The following TASOR2 variants were observed in gnomAD, a reference collection of about 807,000 sequenced individuals.
TASOR2 encodes the protein transcription activation suppressor family member 2.
A neutral mutation model predicts 199.5 loss-of-function variants in TASOR2; 84 were observed. The ratio of observed to expected loss-of-function variants is 0.42; its 90% CI spans 0.35 to 0.50. TASOR2 has a LOEUF of 0.50. TASOR2 is among the 20% of genes least tolerant of loss of function. TASOR2 has a pLI of 0.02. For missense variants in TASOR2, 2,796 were observed against 2,835.9 expected (o/e 0.99, Z 0.32); for synonymous variants, 1,103 against 1,046.6 (o/e 1.05, Z -1.04).
chr10:5,748,682 C>T lies in TASOR2; in HGVS notation c.5261C>T (p.Ala1754Val). The T allele has an allele frequency of 6.2e-7, 1 of 1,614,238 alleles. No individual in the cohort carries two copies. The highest frequency in any genetic ancestry group is 1.1e-5 in the South Asian group (1 of 91,086). Residue 1754 changes from alanine to valine, a missense_variant, in exon 15 of 21, where the codon GCT becomes GTT. This residue lies in a region of TASOR2 where 1,941 missense variants were observed against 1,924.9 expected (regional missense o/e 1.01). Coordinates refer to ENST00000328090, the Ensembl canonical transcript of TASOR2. The surrounding 1 kb of genome is among the most constrained non-coding windows in gnomAD (Gnocchi z 5.1). ...AATGTCGGGGTTTCCTCCCTTTGTG[C>T]TGGTCCCTACCAAAATACAGCAGAC...
chr10:5,728,820 C>T (rs1834398455), intron 10 of TASOR2, among the ~76,000 whole-genome samples: 2 of 152,052 alleles, frequency 1.3e-5, no homozygotes, highest in African/African-American at 4.8e-5. Context: ...ACTCCTATAA[C>T]GATTTCAAAG....
chr10:5,732,132 C>T (rs1368898332), intron 11 of TASOR2, among the ~76,000 whole-genome samples: 1 of 152,208 alleles, frequency 6.6e-6, no homozygotes, highest in African/African-American at 2.4e-5. Context: ...ATGACTTTGG[C>T]CTAGCCACTT....
intron 1 of TASOR2, among the ~76,000 whole-genome samples, chr10:5,686,774 T>TGGTGAA (rs1835862289): frequency 1.3e-5 from 2 of 152,254 alleles, no homozygotes; most frequent in Admixed American, 6.5e-5. Flanking sequence ...TTAAATCTTT[T>TGGTGAA]TAGGCAGGTC....
chr10:5,760,755 G>C (rs1839690026), intron 18 of TASOR2: 1 of 152,232 alleles, frequency 6.6e-6, no homozygotes, highest in Non-Finnish European at 1.5e-5. Context: ...GGTGTGATTT[G>C]GGTTTTCTCC....
exon 15 of TASOR2, chr10:5,749,913 C>A: frequency 6.2e-7 from 1 of 1,614,172 alleles, no homozygotes; most frequent in South Asian, 1.1e-5. Flanking sequence ...TAATCATAGA[C>A]GTGTGCACCA....
At chr10:5,709,646 G>GGT (rs1290182364) in intron 1 of TASOR2, 14 of 1,230,806 alleles carry the variant, frequency 1.1e-5, no homozygotes, top group Middle Eastern at 3.1e-4. Context: ...ATCGAGACAG[G>GGT]GTCCCTATCA....
chr10:5,753,664 T>G (rs1838408748), intron 15 of TASOR2, among the ~76,000 whole-genome samples: 1 of 152,112 alleles, frequency 6.6e-6, no homozygotes, highest in African/African-American at 2.4e-5. Flanking sequence ...CCAGCCTGTT[T>G]GCCGAGATTC....
exon 15 of TASOR2, chr10:5,746,180 T>G: frequency 2.0e-6 from 3 of 1,511,070 alleles, no homozygotes; most frequent in South Asian, 1.4e-5. Context: ...CCGTTTCAGG[T>G]AACTGGGGAA....
intron 1 of TASOR2, among the ~76,000 whole-genome samples, chr10:5,702,649 TTTTTTTTTTTTTG>T (rs1030872044): frequency 2.1e-5 from 3 of 141,530 alleles, no homozygotes; most frequent in African/African-American, 8.3e-5. Context: ...TTTTTTTTTT[TTTTTTTTTTTTTG>T]GTAAGTAAGG....
At chr10:5,749,231 C>T in exon 15 of TASOR2, 1 of 1,614,160 alleles carries the variant, frequency 6.2e-7, no homozygotes, top group Non-Finnish European at 8.5e-7. Flanking sequence ...CTCAAAGATA[C>T]CATGAGAACT....
chr10:5,724,372 C>A, intron 7 of TASOR2, 58 bp from the exon 9 acceptor site: 1 of 775,932 alleles, frequency 1.3e-6, no homozygotes, highest in Non-Finnish European at 2.0e-6. Flanking sequence ...AACAAATTGA[C>A]TGTAAGTACA....
Position 5,748,965 on chromosome 10 carries a change from T to G in TASOR2, c.5544T>G (p.Ser1848=). Residue 1848 remains serine, a synonymous_variant, in exon 15 of 21, where the codon TCT becomes TCG. Transcript: ENST00000328090. The surrounding 1 kb of genome is among the most constrained non-coding windows in gnomAD (Gnocchi z 5.1). ...ATCCCAGACTGGATTTGGAGGATTC[T>G]TATACTTTAAGAGGTAGTTACACCA... 2 of 1,614,124 alleles carry G rather than the reference T, an allele frequency of 1.2e-6. No homozygotes were observed. The highest frequency in any genetic ancestry group is 1.7e-6 in the Non-Finnish European group (2 of 1,180,024).
At chr10:5,762,219 AAC>A (rs139828433) in intron 19 of TASOR2, among the ~76,000 whole-genome samples, 99,379 of 149,748 alleles carry the variant, frequency 0.66, 33,144 homozygotes, top group Middle Eastern at 0.78. Flanking sequence ...ACTGCACTGT[AAC>A]CTGGGTGGCA....
chr10:5,720,947 C>T lies in TASOR2; in HGVS notation c.123C>T (p.Tyr41=), dbSNP rs371687109. ...GTGATATAGCTCTTTGGTCCACTTA[C>T]GGTGCAATGATTCCAACACAGCTGT... Residue 41 remains tyrosine (Y), a synonymous_variant, in exon 6 of 21, where the codon TAC becomes TAT. Coordinates refer to ENST00000328090, the Ensembl canonical transcript of TASOR2. This position sits in a 1 kb window ranked among gnomAD's most constrained non-coding sequence, Gnocchi z 5.3. The T allele has an allele frequency of 5.0e-4, 811 of 1,612,392 alleles. No homozygotes were observed. Among genetic ancestry groups the T allele is most frequent in the Non-Finnish European group, 6.4e-4 (755 of 1,179,308 alleles).
Position 5,754,904 on chromosome 10 carries a change from G to T in TASOR2, c.6607-1709G>T, listed in dbSNP as rs1360856778. 6.6e-6 allele frequency among the ~76,000 whole-genome samples: 1 copy of T among 151,780 alleles called. No homozygotes were observed. The highest frequency in any genetic ancestry group is 2.4e-5 in the African/African-American group (1 of 41,346). The stretch of plus-strand genomic sequence containing the variant: ...TAAAAATACAAAAAGAAATTAGCTG[G>T]GCGTGGTGGCGGGTGCCTGTAGTCC... On this transcript the variant is annotated intron_variant, in intron 15 of 20. Coordinates refer to ENST00000328090, the Ensembl canonical transcript of TASOR2. The surrounding 1 kb of genome is among the most constrained non-coding windows in gnomAD (Gnocchi z 4.3).
rs1389226506 is a variant in TASOR2 at position 5,717,704 on chromosome 10, G to A, written c.-146G>A. On this transcript the variant is annotated 5_prime_UTR_variant, in exon 3 of 21. It removes an upstream start codon present in the reference 5' UTR. Coordinates refer to ENST00000328090, the Ensembl canonical transcript of TASOR2. ...TCCGACTGTCTTCATTCAAGACCAT[G>A]GTATCATGGGAAATCTGGTTATGTT... 3 of 1,225,582 alleles carry A rather than the reference G, an allele frequency of 2.4e-6. No homozygotes were observed. Among genetic ancestry groups the A allele is most frequent in the Admixed American group, 4.2e-5 (1 of 23,670 alleles). The allele number at this position is 1,225,582 out of a possible 1,614,324, so 75.9% of individuals were successfully genotyped here. A position where few individuals can be genotyped will look rare whatever the true frequency, so the allele number is the denominator to read the frequency against.
At chr10:5,713,494 T>G (rs1832188538) in intron 2 of TASOR2, among the ~76,000 whole-genome samples, 1 of 152,142 alleles carries the variant, frequency 6.6e-6, no homozygotes, top group African/African-American at 2.4e-5. Flanking sequence ...CTAAAATAAT[T>G]CAAAGTTAGT....
At chr10:5,736,266 A>G (rs1341502511) in intron 12 of TASOR2, among the ~76,000 whole-genome samples, 1 of 152,092 alleles carries the variant, frequency 6.6e-6, no homozygotes, top group African/African-American at 2.4e-5. Context: ...TAAAAATACA[A>G]AATTAGCCAG....
chr10:5,712,369 C>T (rs562757299), intron 1 of TASOR2: 53 of 1,230,082 alleles, frequency 4.3e-5, no homozygotes, highest in Admixed American at 8.4e-5. Flanking sequence ...TAAATAGCTG[C>T]GTTATTTTTG....
Sources: gnomAD v4.1 joint callset for allele counts (sites outside exome capture counted in the v4.1 genomes callset) on GRCh38, gnomAD v4.1.1 for gene constraint, gnomAD v4.1.1 regional missense constraint, Gnocchi (gnomAD v3.1) non-coding constraint, MANE v1.5 for transcripts, NCBI Gene and HGNC (gene_info 2026-07-23, HGNC 2026-07-21) for gene names.